TMEM178A: variants seen among roughly 807,000 people sequenced by gnomAD.
The protein encoded by TMEM178A is transmembrane protein 178A.
A neutral mutation model predicts 29.1 loss-of-function variants in TMEM178A; 12 were observed. The observed-to-expected ratio is 0.41, with a 90% CI of 0.26 to 0.67. The LOEUF is 0.67. Ranked by LOEUF, TMEM178A falls within the 30% of genes least tolerant of loss-of-function variation. The pLI is 0.29. For missense variants in TMEM178A, 366 were observed against 419.1 expected (o/e 0.87, Z 1.11); for synonymous variants, 210 against 187.2 (o/e 1.12, Z -0.99).
chr2:39,696,905 A>C (rs1463974371), intron 1 of TMEM178A, among the ~76,000 whole-genome samples: 1 of 152,066 alleles, frequency 6.6e-6, no homozygotes, highest in African/African-American at 2.4e-5. Context: ...ATAAACCACA[A>C]CTTGTTCTTT....
chr2:39,702,239 T>C (rs1572683402), intron 1 of TMEM178A, among the ~76,000 whole-genome samples: 1 of 152,332 alleles, frequency 6.6e-6, no homozygotes. Flanking sequence ...CCTGAACGAA[T>C]CCTATGAAGT....
intron 3 of TMEM178A, among the ~76,000 whole-genome samples, chr2:39,716,446 A>G (rs1434758686): frequency 6.6e-6 from 1 of 152,216 alleles, no homozygotes; most frequent in Non-Finnish European, 1.5e-5. Context: ...ATTTTACATC[A>G]TATGGTATAT....
intron 1 of TMEM178A, among the ~76,000 whole-genome samples, chr2:39,673,687 G>T (rs539977534): frequency 6.6e-6 from 1 of 152,288 alleles, no homozygotes; most frequent in South Asian, 2.1e-4. Flanking sequence ...GCTTCCATCT[G>T]CCTTGCAAAT....
chr2:39,665,931 G>T lies in TMEM178A; in HGVS notation c.-44G>T. 2.2e-6 allele frequency: 3 copies of T among 1,344,874 alleles called. No individual in the cohort carries two copies. Among genetic ancestry groups the T allele is most frequent in the South Asian group, 2.0e-5 (1 of 51,106 alleles). 83.3% of individuals were successfully genotyped at this position (1,344,874 alleles called of 1,614,324 possible). ...TGGGGCCAAGTGCATTGTGTCTGGC[G>T]GCGGCGCGCGAGCCCACCGGCGGCT... On this transcript the variant is annotated 5_prime_UTR_variant, in exon 1 of 4. Transcript: ENST00000281961.
Position 39,704,009 on chromosome 2 carries a change from A to C in TMEM178A, c.401-72A>C, listed in dbSNP as rs1671912480. 31 of 1,312,690 alleles carry C rather than the reference A, an allele frequency of 2.4e-5. 2 individuals carry two copies. In the South Asian group the frequency reaches 3.9e-4, roughly 17 times the overall value. The allele number at this position is 1,312,690 out of a possible 1,614,324, so 81.3% of individuals were successfully genotyped here. The stretch of plus-strand genomic sequence containing the variant: ...CATTCAACCCAGGTTAGGTTACGGT[A>C]TTCTGCCTCAGGTCTCAGAATTCTG... On this transcript the variant is annotated intron_variant, in intron 1 of 3. Coordinates refer to ENST00000281961, the MANE Select transcript of TMEM178A (RefSeq NM_152390.3).
downstream of TMEM178A, among the ~76,000 whole-genome samples, chr2:39,721,347 C>T (rs1211989928): frequency 6.6e-6 from 1 of 152,214 alleles, no homozygotes; most frequent in African/African-American, 2.4e-5. Context: ...ATATGTCTGC[C>T]TGGAGCCCCT....
downstream of TMEM178A, among the ~76,000 whole-genome samples, chr2:39,719,013 T>C (rs939497400): frequency 1.3e-5 from 2 of 152,242 alleles, no homozygotes; most frequent in Non-Finnish European, 2.9e-5. Context: ...CAAGTGATGG[T>C]GTCCACATAT....
At chr2:39,680,887 G>A (rs907587936) in intron 1 of TMEM178A, among the ~76,000 whole-genome samples, 2 of 152,118 alleles carry the variant, frequency 1.3e-5, no homozygotes, top group Non-Finnish European at 2.9e-5. Context: ...AAAAGTTTTA[G>A]ATAGTGCTTT....
chr2:39,705,333 G>T (rs1671977224), intron 2 of TMEM178A, among the ~76,000 whole-genome samples: 1 of 152,150 alleles, frequency 6.6e-6, no homozygotes, highest in South Asian at 2.1e-4. Flanking sequence ...TAACATGACT[G>T]GTACTAATGC....
chr2:39,727,024 T>C, the TMEM178A span, among the ~76,000 whole-genome samples: 1 of 152,240 alleles, frequency 6.6e-6, no homozygotes, highest in East Asian at 1.9e-4. Flanking sequence ...GTTGTTTCTT[T>C]AAATTTCCAA....
downstream of TMEM178A, among the ~76,000 whole-genome samples, chr2:39,718,862 A>G (rs1347552225): frequency 1.3e-5 from 2 of 152,336 alleles, no homozygotes; most frequent in East Asian, 3.9e-4. Flanking sequence ...ACAGCTTGTA[A>G]AATAGAAGAC....
chr2:39,733,930 G>A, the TMEM178A span, among the ~76,000 whole-genome samples: 4 of 151,872 alleles, frequency 2.6e-5, no homozygotes, highest in African/African-American at 4.8e-5. Flanking sequence ...CAAGGACGTC[G>A]CTCTAGCACT....
intron 1 of TMEM178A, among the ~76,000 whole-genome samples, chr2:39,694,294 C>T (rs1309093694): frequency 1.3e-5 from 2 of 152,040 alleles, no homozygotes; most frequent in South Asian, 2.1e-4. Flanking sequence ...AAATAACTTG[C>T]CAAGGGCTCA....
intron 1 of TMEM178A, among the ~76,000 whole-genome samples, chr2:39,679,162 G>A (rs1379295938): frequency 2.0e-5 from 3 of 152,294 alleles, no homozygotes; most frequent in East Asian, 3.9e-4. Context: ...TAAGGCCAGG[G>A]ATGGATACCA....
downstream of TMEM178A, among the ~76,000 whole-genome samples, chr2:39,719,645 T>G (rs1672665738): frequency 6.6e-6 from 1 of 152,218 alleles, no homozygotes; most frequent in Admixed American, 6.5e-5. Context: ...GAAGAATGAT[T>G]GAAATGATTG....
chr2:39,675,552 C>T (rs1670582659), intron 1 of TMEM178A, among the ~76,000 whole-genome samples: 1 of 152,020 alleles, frequency 6.6e-6, no homozygotes. Flanking sequence ...TTTGATGATG[C>T]CACAGGGGAA....
chr2:39,716,339 G>C (rs759592238), intron 3 of TMEM178A, among the ~76,000 whole-genome samples: 1 of 152,152 alleles, frequency 6.6e-6, no homozygotes, highest in Non-Finnish European at 1.5e-5. Flanking sequence ...ACATGGATTG[G>C]TCTAAAAAGC....
At chr2:39,702,671 A>T (rs144669859) in intron 1 of TMEM178A, among the ~76,000 whole-genome samples, 1 of 151,456 alleles carries the variant, frequency 6.6e-6, no homozygotes, top group East Asian at 1.9e-4. Flanking sequence ...TGAAAAAACA[A>T]ATTAAAAAAA....
At chr2:39,726,116 T>C in the TMEM178A span, among the ~76,000 whole-genome samples, 10 of 152,232 alleles carry the variant, frequency 6.6e-5, no homozygotes, top group African/African-American at 2.4e-4. Context: ...TAATTTGTTC[T>C]TTTTTCCTTT....
Sources: gnomAD v4.1 joint callset for allele counts (sites outside exome capture counted in the v4.1 genomes callset) on GRCh38, gnomAD v4.1.1 for gene constraint, MANE v1.5 for transcripts, NCBI Gene and HGNC (gene_info 2026-07-23, HGNC 2026-07-21) for gene names.